Variants in NRL observed in about 807,000 individuals in gnomAD.
NRL encodes neural retina leucine zipper.
A neutral mutation model predicts 12.5 loss-of-function variants in NRL; 16 were observed. That is an observed-to-expected ratio of 1.28 (90% CI 0.87 to 1.95). The LOEUF (loss-of-function observed/expected upper bound fraction) is 1.95, where lower values mean the gene tolerates loss of function less well. Among genes scored for constraint, NRL ranks in the 30% most tolerant of loss-of-function variants. The pLI is 0.00. For missense variants in NRL, 314 were observed against 325.8 expected (o/e 0.96, Z 0.28); for synonymous variants, 142 against 150.9 (o/e 0.94, Z 0.43).
At position 24,079,694 on chromosome 14, in the gene NRL, C is replaced by T. The variant is rs987174603; in HGVS notation, c.*1542G>A. ...AAGAGGGACATATGGGAGCCTCTTC[C>T]CCCATGCCCGAAAGCTTCTCCCATT... is the stretch of plus-strand genomic sequence containing the variant. On this transcript the variant is annotated 3_prime_UTR_variant, in exon 3 of 3. Transcript: ENST00000561028. 2.0e-5 allele frequency among the ~76,000 whole-genome samples: 3 copies of T among 152,102 alleles called. No homozygotes were observed. Among genetic ancestry groups the T allele is most frequent in the African/African-American group, 7.2e-5 (3 of 41,388 alleles).
chr14:24,114,298 C>G (rs749305477), intron 1 of NRL: 1 of 152,250 alleles, frequency 6.6e-6, no homozygotes, highest in South Asian at 2.1e-4. Flanking sequence ...AAAAGGGGAC[C>G]GTCCCAAGAG....
rs753727583 is a variant in NRL, at chr14:24,100,130, G to A, written c.-28+14592C>T. On this transcript the variant is annotated intron_variant, in intron 1 of 2. Coordinates refer to ENST00000561028, the MANE Select transcript of NRL (RefSeq NM_001354768.3). ...ACCAATGTGGCTGAGACCAGTGATG[G>A]TGGCGTGTACTGGGAGGGCATTGAC... 3 of 1,613,680 alleles carry A rather than the reference G, an allele frequency of 1.9e-6. No homozygotes were observed. Among genetic ancestry groups the A allele is most frequent in the Non-Finnish European group, 2.5e-6 (3 of 1,179,746 alleles).
chr14:24,105,930 C>T (rs994537902), intron 1 of NRL, among the ~76,000 whole-genome samples: 3 of 152,090 alleles, frequency 2.0e-5, no homozygotes, highest in Admixed American at 2.0e-4. Flanking sequence ...TAAAAAGTCA[C>T]CTATTCCGTG....
chr14:24,097,102 G>T lies in NRL; in HGVS notation c.-27-14227C>A, dbSNP rs761950710. ...CCACACTGACCCTGCTGGAGCAGCA[G>T]GGCCTCATCCGAAAGCTCCCCAAGT... On this transcript the variant is annotated intron_variant, in intron 1 of 2. Transcript: ENST00000561028. 2 of 1,613,962 alleles carry T rather than the reference G, an allele frequency of 1.2e-6. No homozygotes were observed. Among genetic ancestry groups the T allele is most frequent in the Admixed American group, 1.7e-5 (1 of 60,006 alleles).
In NRL at chr14:24,094,957, A is replaced by G. The variant is rs1020585469; in HGVS notation, c.-27-12082T>C. 3.3e-6 allele frequency: 3 copies of G among 908,106 alleles called. No homozygotes were observed. Among genetic ancestry groups the G allele is most frequent in the Non-Finnish European group, 4.6e-6 (3 of 652,418 alleles). 56.3% of individuals were successfully genotyped at this position (908,106 alleles called of 1,614,324 possible). On this transcript the variant is annotated intron_variant, in intron 1 of 2. Transcript: ENST00000561028. The surrounding 1 kb of genome is among the most constrained non-coding windows in gnomAD (Gnocchi z 4.1). ...AGGACTGGAACCTGGCGGGAAGTCC[A>G]GAGCAGCCCGAGGGACCTGGGCCCA...
At chr14:24,096,228 CTTTTTTTT>C (rs34592767) in intron 1 of NRL, among the ~76,000 whole-genome samples, 3 of 58,848 alleles carry the variant, frequency 5.1e-5, no homozygotes, top group Non-Finnish European at 5.7e-5. Context: ...CTACTCATTT[CTTTTTTTT>C]TTTTTTTTTT....
chr14:24,113,378 T>TA (rs370478810), intron 1 of NRL, among the ~76,000 whole-genome samples: 174 of 140,206 alleles, frequency 1.2e-3, no homozygotes, highest in South Asian at 2.7e-3. Context: ...TAGAGTATAA[T>TA]AAAAAAAAAA....
chr14:24,102,731 G>A (rs747563941), intron 1 of NRL: 44 of 1,605,140 alleles, frequency 2.7e-5, no homozygotes, highest in Non-Finnish European at 3.8e-5. Flanking sequence ...GGAAATAATA[G>A]TGTTTGTATT....
chr14:24,097,388 TG>T (rs2036934985), intron 1 of NRL, among the ~76,000 whole-genome samples: 2 of 127,398 alleles, frequency 1.6e-5, no homozygotes, highest in Non-Finnish European at 1.7e-5. Context: ...CCGTCTCTAC[TG>T]AAAAAAAAAA....
rs932275292 is a variant in NRL at position 24,080,271 on chromosome 14, C to G, written c.*965G>C. Reference sequence around the variant, plus strand: ...GAGAGGTGGGAGGTGGCAGGAGCACCCTGTGCAGGTCTGGAGGCCCAGACA... The same window carrying G: ...GAGAGGTGGGAGGTGGCAGGAGCACGCTGTGCAGGTCTGGAGGCCCAGACA... On this transcript the variant is annotated 3_prime_UTR_variant, in exon 3 of 3. Coordinates refer to ENST00000561028, the MANE Select transcript of NRL (RefSeq NM_001354768.3). 1 of 152,158 alleles carries G rather than the reference C, an allele frequency of 6.6e-6. No homozygotes were observed. The highest frequency in any genetic ancestry group is 1.5e-5 in the Non-Finnish European group (1 of 68,042). The allele number at this position is 152,158 out of a possible 1,614,324, so 9.4% of individuals were successfully genotyped here.
In NRL at chr14:24,081,274, C is replaced by T. The variant is rs1207024550; in HGVS notation, c.676G>A (p.Gly226Ser). 2 of 1,504,610 alleles carry T rather than the reference C, an allele frequency of 1.3e-6. No individual in the cohort carries two copies. Among genetic ancestry groups the T allele is most frequent in the Non-Finnish European group, 8.9e-7 (1 of 1,125,270 alleles). The allele number at this position is 1,504,610 out of a possible 1,614,324, so 93.2% of individuals were successfully genotyped here. A position where few individuals can be genotyped will look rare whatever the true frequency, so the allele number is the denominator to read the frequency against. ...KARCDRLTSSGPGSGDPSHLF... is the reference protein window; with the variant it reads ...KARCDRLTSSSPGSGDPSHLF... ...TGGGAGGGGTCCCCGGACCCGGGGC[C>T]GCTCGAGGTTAGCCGGTCACAGCGA... The change falls in exon 3 of 3, where the codon GGC becomes AGC. Residue 226 changes from glycine (G) to serine (S), a missense_variant. Transcript: ENST00000561028. This position sits in a 1 kb window ranked among gnomAD's most constrained non-coding sequence, Gnocchi z 4.4.
chr14:24,103,453 G>T, intron 1 of NRL: 1 of 1,401,390 alleles, frequency 7.1e-7, no homozygotes, highest in South Asian at 1.3e-5. Flanking sequence ...GATGCAGGGT[G>T]CCCTTCCCTA....
intron 1 of NRL, among the ~76,000 whole-genome samples, chr14:24,090,597 C>T (rs917691091): frequency 6.6e-6 from 1 of 152,200 alleles, no homozygotes; most frequent in Non-Finnish European, 1.5e-5. Flanking sequence ...CATCATGATC[C>T]TGAAGCGGGA....
At chr14:24,088,803 A>ATTT (rs756699961) in intron 1 of NRL, among the ~76,000 whole-genome samples, 12 of 106,418 alleles carry the variant, frequency 1.1e-4, no homozygotes, top group African/African-American at 3.8e-4. Context: ...TGCCTGGCTA[A>ATTT]TTTTTTTTTT....
rs768693495 is a variant in NRL at position 24,094,677 on chromosome 14, G to A, written c.-27-11802C>T. 37 of 1,516,654 alleles carry A rather than the reference G, an allele frequency of 2.4e-5. No individual in the cohort carries two copies. The highest frequency in any genetic ancestry group is 3.1e-5 in the Non-Finnish European group (35 of 1,134,746). The allele number at this position is 1,516,654 out of a possible 1,614,324, so 93.9% of individuals were successfully genotyped here. On this transcript the variant is annotated intron_variant, in intron 1 of 2. Transcript: ENST00000561028. The surrounding 1 kb of genome is among the most constrained non-coding windows in gnomAD (Gnocchi z 4.1). ...CTGCCTCGCTCGCCTCTGACCGCGCGATCTCTATCTGCCACTCTCAGAACT... is the reference window on the plus strand; with the variant it reads ...CTGCCTCGCTCGCCTCTGACCGCGCAATCTCTATCTGCCACTCTCAGAACT...
chr14:24,114,597 G>C, intron 1 of NRL, 125 bp downstream of exon 1: 2 of 849,642 alleles, frequency 2.4e-6, no homozygotes, highest in Non-Finnish European at 2.8e-6. Context: ...GTTACGCCTA[G>C]TTCGGCTGTC....
chr14:24,108,321 T>C (rs1325200155), intron 1 of NRL, among the ~76,000 whole-genome samples: 4 of 152,148 alleles, frequency 2.6e-5, no homozygotes, highest in African/African-American at 9.7e-5. Context: ...CATACTGACA[T>C]GTTCTATTCA....
chr14:24,092,352 T>C (rs1432978984), intron 1 of NRL, among the ~76,000 whole-genome samples: 1 of 152,130 alleles, frequency 6.6e-6, no homozygotes, highest in African/African-American at 2.4e-5. Flanking sequence ...ATTCCAAAGG[T>C]CCTGGCATCT....
intron 1 of NRL, chr14:24,099,442 T>C (rs1170822148): frequency 9.2e-6 from 10 of 1,092,390 alleles, no homozygotes; most frequent in Non-Finnish European, 1.3e-5. Context: ...GGGCAATCAC[T>C]TATATAGTTA....
Sources: allele counts gnomAD v4.1 joint callset (sites outside exome capture counted in the v4.1 genomes callset), GRCh38; gene constraint gnomAD v4.1.1; non-coding constraint Gnocchi (gnomAD v3.1); transcripts MANE v1.5; gene names NCBI Gene and HGNC (gene_info 2026-07-23, HGNC 2026-07-21).